SPATA1: variants seen among roughly 807,000 people sequenced by gnomAD.
SPATA1 encodes spermatogenesis associated 1.
SPATA1 carries 57 observed loss-of-function variants against 59.6 expected under a neutral mutation model. That is an observed-to-expected ratio of 0.96 (90% CI 0.77 to 1.19). SPATA1 has a LOEUF of 1.19. SPATA1 is among the 50% of genes most tolerant of loss of function. The probability of loss-of-function intolerance (pLI) is 0.00; values close to 1 mark genes in which losing one functional copy is unlikely to be tolerated. For missense variants in SPATA1, 448 were observed against 480.7 expected, an observed-to-expected ratio of 0.93 and a Z score of 0.64; for synonymous variants, 147 against 163.9, an observed-to-expected ratio of 0.90 and a Z score of 0.79.
intron 1 of SPATA1, among the ~76,000 whole-genome samples, chr1:84,514,927 C>T (rs1027487153): frequency 5.9e-5 from 9 of 151,802 alleles, no homozygotes; most frequent in Non-Finnish European, 8.8e-5. Context: ...GCCAAGACTG[C>T]GCTACTGCAC....
chr1:84,553,079 ACTGG>A lies in SPATA1; in HGVS notation c.1271_1274del (p.Leu424HisfsTer6). On this transcript the variant is annotated frameshift_variant, in exon 13 of 13. Coordinates refer to ENST00000490879, the Ensembl canonical transcript of SPATA1. LOFTEE classifies it low-confidence loss of function (END_TRUNC). ...CAGATTTACGAACATTGAAAACTGAACTGGCACAGAAAAAAAAAATAATACATCT... is the reference window on the plus strand; with the variant it reads ...CAGATTTACGAACATTGAAAACTGAACACAGAAAAAAAAAATAATACATCT... 6.5e-7 allele frequency: 1 copy of A among 1,531,014 alleles called. No individual in the cohort carries two copies. The highest frequency in any genetic ancestry group is 2.2e-5 in the Admixed American group (1 of 45,606). 94.8% of individuals were successfully genotyped at this position (1,531,014 alleles called of 1,614,324 possible).
In SPATA1 at chr1:84,516,218, A is replaced by G. The variant is rs749325965; in HGVS notation, c.-137-5A>G. On this transcript the variant is annotated splice_region_variant and splice_polypyrimidine_tract_variant and intron_variant, in intron 1 of 12. Coordinates refer to ENST00000490879, the Ensembl canonical transcript of SPATA1. ...GTTTTCCTTTTTATTTCTTGAACAA[A>G]TCAGAGACCAGAAATGAGTGGAATG... The G allele has an allele frequency of 8.0e-6, 5 of 627,774 alleles. No individual in the cohort carries two copies. Among genetic ancestry groups the G allele is most frequent in the Admixed American group, 8.0e-5 (2 of 24,912 alleles). The allele number at this position is 627,774 out of a possible 1,614,324, so 38.9% of individuals were successfully genotyped here.
intron 8 of SPATA1, among the ~76,000 whole-genome samples, chr1:84,537,195 G>C (rs1056955368): frequency 2.0e-5 from 3 of 152,082 alleles, no homozygotes; most frequent in Non-Finnish European, 4.4e-5. Flanking sequence ...TTTCTTTAGA[G>C]ATGACAGTAT....
chr1:84,530,023 A>T (rs2101964142), intron 6 of SPATA1, among the ~76,000 whole-genome samples: 1 of 151,918 alleles, frequency 6.6e-6, no homozygotes, highest in East Asian at 1.9e-4. Context: ...TGCCCGGCTA[A>T]TTTTTTTGTG....
At chr1:84,518,847 A>G (rs1402261761) in intron 2 of SPATA1, among the ~76,000 whole-genome samples, 1 of 151,916 alleles carries the variant, frequency 6.6e-6, no homozygotes, top group Non-Finnish European at 1.5e-5. Context: ...TCTCCATCCC[A>G]TATCTTCCCA....
chr1:84,554,650 T>A (rs533330076), downstream of SPATA1: 4 of 180,486 alleles, frequency 2.2e-5, no homozygotes, highest in Non-Finnish European at 4.7e-5. Flanking sequence ...CTTCAGATTA[T>A]ACATATTTTA....
chr1:84,565,802 AT>A, intron 4 of SPATA1, 58 bp from the exon 14 acceptor site: 1 of 1,092,674 alleles, frequency 9.2e-7, no homozygotes, highest in Non-Finnish European at 1.2e-6. Context: ...ATAGAATATT[AT>A]TAATATTATT....
At chr1:84,522,488 T>C (rs1254933249) in exon 4 of SPATA1, 1 of 1,532,876 alleles carries the variant, frequency 6.5e-7, no homozygotes, top group Non-Finnish European at 8.8e-7. Flanking sequence ...CTGAAATGCA[T>C]TGGAAATAAT....
At chr1:84,517,818 C>T (rs1201696417) in intron 2 of SPATA1, among the ~76,000 whole-genome samples, 2 of 152,182 alleles carry the variant, frequency 1.3e-5, no homozygotes, top group East Asian at 3.9e-4. Context: ...CGTGAGTCAC[C>T]ATTGTCTCAG....
chr1:84,543,191 G>C (rs563806339), intron 8 of SPATA1, among the ~76,000 whole-genome samples: 1 of 152,130 alleles, frequency 6.6e-6, no homozygotes, highest in Non-Finnish European at 1.5e-5. Context: ...CAAAATAGAA[G>C]TGAGAGCTTG....
At chr1:84,546,219 C>T (rs1029744716) in intron 10 of SPATA1, among the ~76,000 whole-genome samples, 1 of 151,984 alleles carries the variant, frequency 6.6e-6, no homozygotes, top group African/African-American at 2.4e-5. Context: ...TTTGGGAGGC[C>T]GAGGCAGGCG....
rs201918191 is a variant in SPATA1 at position 84,565,973 on chromosome 1, T to C, written n.555T>C. The C allele has an allele frequency of 8.2e-5, 130 of 1,587,514 alleles. No homozygotes were observed. Among genetic ancestry groups the C allele is most frequent in the Non-Finnish European group, 1.1e-4 (128 of 1,168,298 alleles). ...ATTCCAGTATAATTATAGCATCTTC[T>C]GTCTATGTTCTTTGGAGACCAAGCT... is the stretch of plus-strand genomic sequence containing the variant. On this transcript the variant is annotated non_coding_transcript_exon_variant, in exon 5 of 5. Coordinates refer to the SPATA1 transcript ENST00000460286.
At chr1:84,539,666 TAGG>T (rs1683837511) in intron 8 of SPATA1, among the ~76,000 whole-genome samples, 1 of 152,230 alleles carries the variant, frequency 6.6e-6, no homozygotes, top group Non-Finnish European at 1.5e-5. Context: ...TTCTGGTTAG[TAGG>T]AGTTTTTAAT....
At chr1:84,533,205 T>C (rs537940084) in intron 7 of SPATA1, among the ~76,000 whole-genome samples, 4 of 152,260 alleles carry the variant, frequency 2.6e-5, no homozygotes, top group Admixed American at 2.0e-4. Flanking sequence ...AGTACTTTTA[T>C]CATTGGGACA....
At chr1:84,565,175 G>A (rs1406143814) in intron 4 of SPATA1, among the ~76,000 whole-genome samples, 1 of 151,900 alleles carries the variant, frequency 6.6e-6, no homozygotes, top group Non-Finnish European at 1.5e-5. Flanking sequence ...CTCCAGCCTG[G>A]GTGATGGAGT....
At chr1:84,561,253 T>C (rs1422751815) in intron 4 of SPATA1, among the ~76,000 whole-genome samples, 1 of 152,098 alleles carries the variant, frequency 6.6e-6, no homozygotes, top group Non-Finnish European at 1.5e-5. Flanking sequence ...ATGGATGACA[T>C]TGAGGGGTTC....
At chr1:84,540,170 C>T (rs1217357770) in intron 8 of SPATA1, among the ~76,000 whole-genome samples, 2 of 151,974 alleles carry the variant, frequency 1.3e-5, no homozygotes, top group Non-Finnish European at 2.9e-5. Flanking sequence ...GTAAGCTAGT[C>T]TGAAAGTCTT....
rs577495299 is a variant in SPATA1, at chr1:84,513,260, G to A, written c.-137-2963G>A. On this transcript the variant is annotated intron_variant, in intron 1 of 12. Transcript: ENST00000490879. ...AGGCAATTCTTCTGCCTCAGTCTCC[G>A]GAGTAGCTGGGATTACAGGCATGGG... Among the ~76,000 whole-genome samples, 104 of 152,228 alleles carry A rather than the reference G, an allele frequency of 6.8e-4. 1 individual carries two copies. The South Asian group carries it at 0.021, about 30-fold the overall frequency.
At chr1:84,557,581 C>T (rs1190211058), downstream of SPATA1, among the ~76,000 whole-genome samples, 1 of 143,724 alleles carries the variant, frequency 7.0e-6, no homozygotes, top group African/African-American at 2.6e-5. Flanking sequence ...GGAGGCTGGG[C>T]GCGGTGGCTC....
Sources: gnomAD v4.1 joint callset for allele counts (sites outside exome capture counted in the v4.1 genomes callset) on GRCh38, gnomAD v4.1.1 for gene constraint, MANE v1.5 for transcripts, NCBI Gene and HGNC (gene_info 2026-07-23, HGNC 2026-07-21) for gene names.